TBC1D5: variants seen among roughly 807,000 people sequenced by gnomAD.
TBC1D5 encodes the protein TBC1 domain family, member 5.
TBC1D5 carries 75 observed loss-of-function variants against 100.3 expected under a neutral mutation model. The observed-to-expected ratio is 0.75, with a 90% confidence interval of 0.62 to 0.91. The LOEUF is 0.91. Ranked by LOEUF, TBC1D5 falls within the 40% of genes least tolerant of loss-of-function variation. The probability of loss-of-function intolerance (pLI) is 0.00; values close to 1 mark genes in which losing one functional copy is unlikely to be tolerated. For synonymous variants in TBC1D5, 323 were observed against 325.6 expected (o/e 0.99, Z 0.09); for missense variants, 910 against 942.4 (o/e 0.97, Z 0.45).
At chr3:17,504,917 A>C (rs559646306) in intron 3 of TBC1D5, among the ~76,000 whole-genome samples, 1 of 152,206 alleles carries the variant, frequency 6.6e-6, no homozygotes, top group Non-Finnish European at 1.5e-5. Context: ...TAAATTACCA[A>C]TTTCTTCATT....
At chr3:17,699,818 A>AC (rs1323329390) in intron 1 of TBC1D5, among the ~76,000 whole-genome samples, 2 of 151,752 alleles carry the variant, frequency 1.3e-5, no homozygotes, top group Admixed American at 1.3e-4. Flanking sequence ...CAAGGGAAAA[A>AC]AAAAAAAAAG....
intron 13 of TBC1D5, among the ~76,000 whole-genome samples, chr3:17,316,787 G>A (rs61186520): frequency 0.089 from 13,609 of 152,152 alleles, 1,389 homozygotes; most frequent in African/African-American, 0.25. Context: ...ACTGACCTGA[G>A]GGTGGAAAGG....
At chr3:17,284,111 C>CACACACACACACACACACACACACACAT (rs1457430013) in intron 15 of TBC1D5, among the ~76,000 whole-genome samples, 25 of 150,854 alleles carry the variant, frequency 1.7e-4, no homozygotes, top group African/African-American at 5.4e-4. Flanking sequence ...CACACACACA[C>CACACACACACACACACACACACACACAT]ACACACACAC....
At chr3:17,693,464 G>A (rs900303454) in intron 1 of TBC1D5, among the ~76,000 whole-genome samples, 4 of 152,098 alleles carry the variant, frequency 2.6e-5, no homozygotes, top group African/African-American at 4.8e-5. Context: ...CCACACCCAC[G>A]GAGCCTTGCT....
intron 2 of TBC1D5, among the ~76,000 whole-genome samples, chr3:17,572,803 T>G (rs2096635686): frequency 6.6e-6 from 1 of 152,004 alleles, no homozygotes; most frequent in Non-Finnish European, 1.5e-5. Context: ...CACTGTTTCC[T>G]TCCTTCATCT....
At chr3:17,282,126 C>T (rs959104025) in intron 15 of TBC1D5, among the ~76,000 whole-genome samples, 1 of 152,194 alleles carries the variant, frequency 6.6e-6, no homozygotes, top group Non-Finnish European at 1.5e-5. Context: ...ATCAGCCACA[C>T]ATCACCCTTT....
chr3:17,467,728 A>G (rs977165655), intron 3 of TBC1D5, among the ~76,000 whole-genome samples: 4 of 151,766 alleles, frequency 2.6e-5, no homozygotes, highest in Admixed American at 2.6e-4. Flanking sequence ...TACAAAAATA[A>G]TAATAATAAT....
intron 18 of TBC1D5, among the ~76,000 whole-genome samples, chr3:17,187,067 G>C (rs897982583): frequency 6.6e-6 from 1 of 151,862 alleles, no homozygotes; most frequent in Non-Finnish European, 1.5e-5. Context: ...AATTTCCCTC[G>C]TTATCACAGG....
At chr3:17,382,563 C>CT (rs5846960) in intron 9 of TBC1D5, among the ~76,000 whole-genome samples, 235 of 144,308 alleles carry the variant, frequency 1.6e-3, no homozygotes, top group South Asian at 2.2e-3. Flanking sequence ...CCTTGAATAA[C>CT]TTTTTTTTTT....
At chr3:17,563,193 G>A (rs2096570727) in intron 2 of TBC1D5, among the ~76,000 whole-genome samples, 1 of 152,144 alleles carries the variant, frequency 6.6e-6, no homozygotes, top group Non-Finnish European at 1.5e-5. Context: ...CTGAACAAAG[G>A]AAGAATATAA....
intron 16 of TBC1D5, among the ~76,000 whole-genome samples, chr3:17,245,628 T>C (rs761732925): frequency 2.6e-5 from 4 of 152,278 alleles, no homozygotes; most frequent in African/African-American, 4.8e-5. Flanking sequence ...GCTTACGTAA[T>C]TGGGGCAACA....
intron 2 of TBC1D5, among the ~76,000 whole-genome samples, chr3:17,538,528 C>T (rs1397039574): frequency 6.6e-6 from 1 of 152,184 alleles, no homozygotes; most frequent in Admixed American, 6.5e-5. Context: ...TGCTTCCTTT[C>T]ACTCCTGCTT....
intron 14 of TBC1D5, among the ~76,000 whole-genome samples, chr3:17,293,767 G>T (rs1355361034): frequency 6.6e-6 from 1 of 152,246 alleles, no homozygotes; most frequent in Non-Finnish European, 1.5e-5. Flanking sequence ...AAGGGCAGAT[G>T]TGTAATATCA....
intron 1 of TBC1D5, among the ~76,000 whole-genome samples, chr3:17,634,610 G>C (rs1374343558): frequency 6.7e-6 from 1 of 148,626 alleles, no homozygotes; most frequent in African/African-American, 2.4e-5. Context: ...AGGGGACGTG[G>C]GGATGGCTAA....
chr3:17,679,675 T>C (rs1405638216), intron 1 of TBC1D5, among the ~76,000 whole-genome samples: 1 of 151,590 alleles, frequency 6.6e-6, no homozygotes, highest in Non-Finnish European at 1.5e-5. Context: ...CATTATACAT[T>C]AATATTGAGA....
At chr3:17,481,301 GCT>G (rs2095498868) in intron 3 of TBC1D5, among the ~76,000 whole-genome samples, 1 of 152,210 alleles carries the variant, frequency 6.6e-6, no homozygotes, top group Non-Finnish European at 1.5e-5. Flanking sequence ...TCTGTGCCTG[GCT>G]CACCCTTGGA....
chr3:17,690,201 C>CT lies in TBC1D5; in HGVS notation c.-101+49141_-101+49142insA, dbSNP rs1560473193. Among the ~76,000 whole-genome samples, 170 of 75,728 alleles carry CT rather than the reference C, an allele frequency of 2.2e-3. 13 individuals are homozygous for CT. The highest frequency in any genetic ancestry group is 7.2e-3 in the African/African-American group (160 of 22,278). 49.7% of individuals were successfully genotyped at this position (75,728 alleles called of 152,430 possible). On this transcript the variant is annotated intron_variant, in intron 1 of 21. Coordinates refer to ENST00000253692, the Ensembl canonical transcript of TBC1D5. ...AAGAGAACTGAAGCATAAAAATAGC[C>CT]ATATTTTTTTTTTTTTTTTTTTTTT...
chr3:17,495,644 T>A (rs1170758974), intron 3 of TBC1D5, among the ~76,000 whole-genome samples: 1 of 152,214 alleles, frequency 6.6e-6, no homozygotes, highest in East Asian at 1.9e-4. Flanking sequence ...ATAGAAGAAG[T>A]AACCACAGGA....
intron 1 of TBC1D5, among the ~76,000 whole-genome samples, chr3:17,643,700 T>A (rs889639260): frequency 3.9e-5 from 6 of 152,162 alleles, no homozygotes; most frequent in Admixed American, 3.9e-4. Context: ...TCAGTCATAA[T>A]GACCTTAACT....
Sources: allele counts gnomAD v4.1 joint callset (sites outside exome capture counted in the v4.1 genomes callset), GRCh38; gene constraint gnomAD v4.1.1; transcripts MANE v1.5; gene names NCBI Gene and HGNC (gene_info 2026-07-23, HGNC 2026-07-21).